FAF1: variants seen among roughly 807,000 people sequenced by gnomAD.
FAF1 encodes FAS-associated factor 1.
Under a neutral mutation model 92.5 loss-of-function variants are expected in FAF1, and 25 were observed. That is an observed-to-expected ratio of 0.27 (90% CI 0.20 to 0.38). The LOEUF is 0.38. Ranked by LOEUF, FAF1 falls within the 10% of genes least tolerant of loss-of-function variation. The pLI, the probability that FAF1 is intolerant of heterozygous loss-of-function variation, is 1.00. For missense variants in FAF1, 636 were observed against 793.3 expected, an observed-to-expected ratio of 0.80 and a Z score of 2.38; for synonymous variants, 234 against 273.2, an observed-to-expected ratio of 0.86 and a Z score of 1.42.
At chr1:50,534,424 A>G (rs1232369339) in intron 15 of FAF1, among the ~76,000 whole-genome samples, 1 of 152,072 alleles carries the variant, frequency 6.6e-6, no homozygotes, top group African/African-American at 2.4e-5. Flanking sequence ...CTGGGATTAC[A>G]AGCACATGCC....
intron 2 of FAF1, among the ~76,000 whole-genome samples, chr1:50,850,352 A>G (rs993933763): frequency 2.6e-5 from 4 of 152,170 alleles, no homozygotes; most frequent in African/African-American, 7.2e-5. Flanking sequence ...CTAAAGAGGA[A>G]AGCCCAAATC....
intron 1 of FAF1, among the ~76,000 whole-genome samples, chr1:50,902,127 T>C (rs1395997193): frequency 6.6e-6 from 1 of 152,200 alleles, no homozygotes; most frequent in East Asian, 1.9e-4. Context: ...CCATGTCAGA[T>C]AGAGGTGATC....
chr1:50,601,003 A>G (rs1284255530), intron 8 of FAF1, among the ~76,000 whole-genome samples: 1 of 152,192 alleles, frequency 6.6e-6, no homozygotes, highest in Non-Finnish European at 1.5e-5. Flanking sequence ...ACAAGTGCAA[A>G]AGGATCCTGA....
rs560420796 is a variant in FAF1, at chr1:50,664,395, C to A, written c.658-8867G>T. Among the ~76,000 whole-genome samples the A allele has an allele frequency of 3.3e-5, 5 of 151,710 alleles. No individual in the cohort carries two copies. The South Asian group carries it at 1.0e-3, about 31-fold the overall frequency. On this transcript the variant is annotated intron_variant, in intron 7 of 18. Coordinates refer to ENST00000396153, the MANE Select transcript of FAF1 (RefSeq NM_007051.3). ...AACCTGCAAACTCACAATAAATGAC[C>A]TATTGGTCTCACTAAATAAACTTGG... is the stretch of plus-strand genomic sequence containing the variant.
intron 1 of FAF1, among the ~76,000 whole-genome samples, chr1:50,945,207 G>A (rs1017491394): frequency 6.6e-6 from 1 of 152,176 alleles, no homozygotes; most frequent in Non-Finnish European, 1.5e-5. Context: ...AAACAGTCCA[G>A]AAAGCCAAAA....
intron 3 of FAF1, among the ~76,000 whole-genome samples, chr1:50,799,287 T>C (rs1294167256): frequency 6.6e-6 from 1 of 152,236 alleles, no homozygotes; most frequent in Non-Finnish European, 1.5e-5. Context: ...TTGAATTTCC[T>C]CATATGTAAA....
intron 5 of FAF1, among the ~76,000 whole-genome samples, chr1:50,741,691 G>A (rs1569866485): frequency 6.6e-6 from 1 of 152,144 alleles, no homozygotes; most frequent in East Asian, 1.9e-4. Context: ...TTTAAAGATC[G>A]AATCTACAGA....
chr1:50,545,936 G>A (rs1380935694), intron 13 of FAF1, among the ~76,000 whole-genome samples: 1 of 152,242 alleles, frequency 6.6e-6, no homozygotes, highest in Non-Finnish European at 1.5e-5. Context: ...GCCAAGGTGG[G>A]GGGAGGAAAT....
At chr1:50,696,224 T>C (rs1657217754) in intron 7 of FAF1, among the ~76,000 whole-genome samples, 2 of 152,034 alleles carry the variant, frequency 1.3e-5, no homozygotes, top group Non-Finnish European at 2.9e-5. Context: ...CCAAAATACA[T>C]AAAAAATAAG....
chr1:50,832,273 G>C (rs947445654), intron 2 of FAF1, among the ~76,000 whole-genome samples: 4 of 152,136 alleles, frequency 2.6e-5, no homozygotes, highest in Non-Finnish European at 5.9e-5. Context: ...GGGGACTGCT[G>C]ATTTAGAGGA....
At chr1:50,501,534 A>G (rs57775942) in intron 15 of FAF1, among the ~76,000 whole-genome samples, 19,257 of 151,784 alleles carry the variant, frequency 0.13, 1,613 homozygotes, top group African/African-American at 0.23. Context: ...GGTGGCAGGC[A>G]CCTGTAATCC....
intron 4 of FAF1, among the ~76,000 whole-genome samples, chr1:50,759,945 A>C (rs374522095): frequency 6.6e-6 from 1 of 152,146 alleles, no homozygotes; most frequent in African/African-American, 2.4e-5. Context: ...CTGCATAAAT[A>C]TCTTCTTTTG....
Position 50,788,137 on chromosome 1 carries a change from G to A in FAF1, c.230C>T (p.Thr77Ile). ...NPASHPASAP[T>I]SSSSSAFRPV... ...TCGAAACGCTGAAGAAGAAGAGGAA[G>A]TAGGAGCTGAAGCTGGATGACTTGC... is the stretch of plus-strand genomic sequence containing the variant. The change falls in exon 4 of 19, where the codon ACT (threonine) becomes ATT (isoleucine). Residue 77 changes from threonine (T) to isoleucine (I), a missense_variant. Around this residue, in one of 2 missense-constraint regions of FAF1, gnomAD observed 317 missense variants for 342.4 expected, o/e 0.93. Coordinates refer to ENST00000396153, the MANE Select transcript of FAF1 (RefSeq NM_007051.3). The A allele has an allele frequency of 1.2e-6, 2 of 1,614,202 alleles. No individual in the cohort carries two copies. The highest frequency in any genetic ancestry group is 1.7e-6 in the Non-Finnish European group (2 of 1,180,028).
At chr1:50,648,830 GTAGGAGAAT>G (rs1048009285) in intron 8 of FAF1, among the ~76,000 whole-genome samples, 1 of 152,162 alleles carries the variant, frequency 6.6e-6, no homozygotes, top group Non-Finnish European at 1.5e-5. Context: ...GGAAGCTGAG[GTAGGAGAAT>G]CACTTGAACC....
chr1:50,911,770 C>T (rs1208418464), intron 1 of FAF1, among the ~76,000 whole-genome samples: 1 of 152,070 alleles, frequency 6.6e-6, no homozygotes, highest in African/African-American at 2.4e-5. Flanking sequence ...TGGTGCCTCA[C>T]GCCTGTAATC....
chr1:50,451,947 CA>C, intron 18 of FAF1: 2 of 1,134,264 alleles, frequency 1.8e-6, no homozygotes, highest in Non-Finnish European at 2.2e-6. Flanking sequence ...GGGCACCAAA[CA>C]AAAGCTGTAA....
chr1:50,661,145 G>T (rs1243802012), intron 7 of FAF1, among the ~76,000 whole-genome samples: 1 of 151,910 alleles, frequency 6.6e-6, no homozygotes, highest in African/African-American at 2.4e-5. Flanking sequence ...TTTTTTGCAT[G>T]AGATTTGGCA....
rs1164056002 is a variant in FAF1, at chr1:50,670,513, T to C, written c.658-14985A>G. ...ACAGACTATTGATAAACTAGATACTTAAACATGCTTCACTTCATTCTTATT... is the reference window on the plus strand; with the variant it reads ...ACAGACTATTGATAAACTAGATACTCAAACATGCTTCACTTCATTCTTATT... On this transcript the variant is annotated intron_variant, in intron 7 of 18. Coordinates refer to ENST00000396153, the MANE Select transcript of FAF1 (RefSeq NM_007051.3). 2.0e-5 allele frequency among the ~76,000 whole-genome samples: 3 copies of C among 152,224 alleles called. No individual in the cohort carries two copies. The East Asian group carries it at 5.8e-4, about 29-fold the overall frequency.
At chr1:50,600,496 C>G (rs769849497) in intron 8 of FAF1, among the ~76,000 whole-genome samples, 1 of 151,568 alleles carries the variant, frequency 6.6e-6, no homozygotes, top group African/African-American at 2.4e-5. Flanking sequence ...TAGCTTTACC[C>G]GAGAAAGCTC....
Sources: allele counts gnomAD v4.1 joint callset (sites outside exome capture counted in the v4.1 genomes callset), GRCh38; gene constraint gnomAD v4.1.1; regional missense constraint gnomAD v4.1.1; transcripts MANE v1.5; gene names NCBI Gene and HGNC (gene_info 2026-07-23, HGNC 2026-07-21).